Variants in USP34 observed in about 807,000 individuals in gnomAD.
USP34 encodes the protein ubiquitin specific peptidase 34, also known as ubiquitin carboxyl-terminal hydrolase 34.
USP34 carries 70 observed loss-of-function variants against 460.3 expected under a neutral mutation model. The observed-to-expected ratio is 0.15, with a 90% CI of 0.13 to 0.19. The LOEUF (loss-of-function observed/expected upper bound fraction) is 0.19, where lower values mean the gene tolerates loss of function less well. USP34 is among the 10% of genes least tolerant of loss of function. USP34 has a pLI of 1.00. For synonymous variants in USP34, 1,647 were observed against 1,405.3 expected, an observed-to-expected ratio of 1.17 and a Z score of -3.85; for missense variants, 3,985 against 4,236.2, an observed-to-expected ratio of 0.94 and a Z score of 1.65.
intron 34 of USP34, among the ~76,000 whole-genome samples, chr2:61,286,604 G>A (rs1689697740): frequency 1.3e-5 from 2 of 152,088 alleles, no homozygotes; most frequent in South Asian, 2.1e-4. Flanking sequence ...GCAGTGAGCC[G>A]AGATGGCGCC....
intron 1 of USP34, among the ~76,000 whole-genome samples, chr2:61,449,776 G>T (rs745437237): frequency 6.6e-6 from 1 of 152,260 alleles, no homozygotes; most frequent in East Asian, 1.9e-4. Flanking sequence ...GCAAAAGAAT[G>T]AAGTTGTATC....
chr2:61,389,777 C>T (rs1280060225), intron 5 of USP34, among the ~76,000 whole-genome samples: 1 of 151,726 alleles, frequency 6.6e-6, no homozygotes, highest in Non-Finnish European at 1.5e-5. Flanking sequence ...TTTCCTTCTC[C>T]CCACCCCCTG....
intron 1 of USP34, among the ~76,000 whole-genome samples, chr2:61,453,997 G>T (rs1037463017): frequency 4.0e-5 from 6 of 151,882 alleles, no homozygotes; most frequent in African/African-American, 1.5e-4. Context: ...AAAACAGTAG[G>T]TAAGTATAAA....
intron 5 of USP34, among the ~76,000 whole-genome samples, chr2:61,394,141 C>A (rs1693442497): frequency 6.6e-6 from 1 of 152,092 alleles, no homozygotes; most frequent in Non-Finnish European, 1.5e-5. Flanking sequence ...ATAAAAGTAT[C>A]TTTCTTTCCA....
intron 1 of USP34, among the ~76,000 whole-genome samples, chr2:61,439,514 GC>G (rs753135765): frequency 1.3e-5 from 2 of 152,160 alleles, no homozygotes; most frequent in African/African-American, 4.8e-5. Context: ...AAGGCCCAGT[GC>G]CCAGCACCAT....
intron 12 of USP34, 57 bp from the exon 13 acceptor site, chr2:61,349,342 G>C: frequency 6.4e-7 from 1 of 1,555,656 alleles, no homozygotes; most frequent in African/African-American, 1.4e-5. Context: ...GCTTCTTTGA[G>C]ACAGCGTATC....
intron 5 of USP34, among the ~76,000 whole-genome samples, chr2:61,389,167 G>T (rs1019289962): frequency 6.6e-6 from 1 of 152,128 alleles, no homozygotes; most frequent in African/African-American, 2.4e-5. Flanking sequence ...GATGAATTGT[G>T]TTTATTTTTA....
intron 1 of USP34, among the ~76,000 whole-genome samples, chr2:61,455,390 C>A (rs1261442009): frequency 6.6e-6 from 1 of 152,136 alleles, no homozygotes; most frequent in Non-Finnish European, 1.5e-5. Flanking sequence ...GTTGCCCAGG[C>A]TGGTCTCGAA....
intron 78 of USP34, chr2:61,189,408 GA>G (rs1259136751): frequency 4.1e-5 from 7 of 172,546 alleles, no homozygotes; most frequent in Admixed American, 6.3e-5. Flanking sequence ...AAGTAGCTGG[GA>G]CTACAGGCGC....
At chr2:61,320,366 T>C (rs1330494902) in intron 21 of USP34, among the ~76,000 whole-genome samples, 1 of 152,112 alleles carries the variant, frequency 6.6e-6, no homozygotes, top group Non-Finnish European at 1.5e-5. Flanking sequence ...TTGGGATCAT[T>C]TAGACATGCC....
In USP34 at chr2:61,350,488, G is replaced by A. The variant is rs1204296480; in HGVS notation, c.1377+80C>T. The A allele has an allele frequency of 2.6e-6, 4 of 1,550,948 alleles. No individual in the cohort carries two copies. In the African/African-American group the frequency reaches 4.2e-5, roughly 16 times the overall value. On this transcript the variant is annotated intron_variant, in intron 11 of 79. Transcript: ENST00000398571. ...AACTGAAATGCCAAGACAATAAAAT[G>A]AAAGTTAAATTATCTGAATCACAAG...
At chr2:61,229,502 CACACACAACACAG>C (rs773624051) in intron 59 of USP34, 33 bp downstream of exon 59, 3 of 1,000,748 alleles carry the variant, frequency 3.0e-6, no homozygotes, top group East Asian at 3.1e-5. Flanking sequence ...AAACACCACA[CACACACAACACAG>C]ACACACAAAC....
intron 53 of USP34, among the ~76,000 whole-genome samples, chr2:61,238,952 A>T (rs890316798): frequency 7.3e-5 from 11 of 151,594 alleles, no homozygotes; most frequent in Admixed American, 2.6e-4. Context: ...GAAATATTTC[A>T]AACATTTTCA....
chr2:61,194,889 G>A lies in USP34; in HGVS notation c.9509-1909C>T, dbSNP rs550903519. Among the ~76,000 whole-genome samples the A allele has an allele frequency of 2.4e-4, 36 of 151,758 alleles. No homozygotes were observed. The South Asian group carries it at 7.1e-3, about 30-fold the overall frequency. Reference sequence around the variant, plus strand: ...AATTGCTTGAACGCGGCAGGCGGAGGTTGCGGTGAGCCGAGATCGTGCCAT... The same window carrying A: ...AATTGCTTGAACGCGGCAGGCGGAGATTGCGGTGAGCCGAGATCGTGCCAT... On this transcript the variant is annotated intron_variant, in intron 75 of 79. Coordinates refer to ENST00000398571, the MANE Select transcript of USP34 (RefSeq NM_014709.4).
At chr2:61,347,779 A>T in intron 15 of USP34, 91 bp downstream of exon 15, 3 of 1,538,454 alleles carry the variant, frequency 2.0e-6, no homozygotes, top group Non-Finnish European at 2.6e-6. Context: ...AATGAATAGC[A>T]CTAATACAGA....
intron 69 of USP34, among the ~76,000 whole-genome samples, chr2:61,210,670 T>C (rs1230114045): frequency 2.6e-5 from 4 of 152,210 alleles, no homozygotes; most frequent in African/African-American, 7.2e-5. Context: ...TGGAAATCCT[T>C]CTACTTTATT....
At chr2:61,409,883 T>C (rs1693988274) in intron 2 of USP34, among the ~76,000 whole-genome samples, 1 of 152,216 alleles carries the variant, frequency 6.6e-6, no homozygotes, top group Non-Finnish European at 1.5e-5. Context: ...CAAAAAGGGC[T>C]GTGAGTCTAA....
intron 3 of USP34, among the ~76,000 whole-genome samples, chr2:61,404,376 C>T (rs1693807269): frequency 6.6e-6 from 1 of 152,140 alleles, no homozygotes; most frequent in African/African-American, 2.4e-5. Context: ...TTTACCTCTC[C>T]TCCCCCCAGC....
At position 61,394,965 on chromosome 2, in the gene USP34, C is replaced by T; in HGVS notation, c.641G>A (p.Cys214Tyr). Residue 214 changes from cysteine to tyrosine, a missense_variant, in exon 5 of 80, where the codon TGT becomes TAT. Cys to Tyr is a radical substitution (Grantham distance 194). This residue lies in a region of USP34 where 331 missense variants were observed against 293.7 expected (regional missense o/e 1.13). Transcript: ENST00000398571. ...EVPLHLLRYV[C>Y]LFCGKNGLSL... ...AAGGCCATTTTTCCCACAAAACAAA[C>T]ATACATAACGAAGCAAATGCAATGG... 3.1e-6 allele frequency: 5 copies of T among 1,604,014 alleles called. No individual in the cohort carries two copies. Among genetic ancestry groups the T allele is most frequent in the Non-Finnish European group, 4.2e-6 (5 of 1,176,992 alleles).
Sources: allele counts gnomAD v4.1 joint callset (sites outside exome capture counted in the v4.1 genomes callset), GRCh38; gene constraint gnomAD v4.1.1; regional missense constraint gnomAD v4.1.1; transcripts MANE v1.5; gene names NCBI Gene and HGNC (gene_info 2026-07-23, HGNC 2026-07-21).